Variants in HEPHL1 observed in about 807,000 individuals in gnomAD.
The protein encoded by HEPHL1 is ferroxidase HEPHL1.
Under a neutral mutation model 122.0 loss-of-function variants are expected in HEPHL1, and 123 were observed. That is an observed-to-expected ratio of 1.01 (90% CI 0.87 to 1.17). HEPHL1 has a LOEUF of 1.17. Among genes scored for constraint, HEPHL1 ranks in the 50% most tolerant of loss-of-function variants. The probability of loss-of-function intolerance (pLI) is 0.00; values close to 1 mark genes in which losing one functional copy is unlikely to be tolerated. For missense variants in HEPHL1, 1,452 were observed against 1,430.5 expected, an observed-to-expected ratio of 1.01 and a Z score of -0.24; for synonymous variants, 527 against 508.9, an observed-to-expected ratio of 1.04 and a Z score of -0.48.
At chr11:94,107,729 G>T (rs1391566137) in intron 17 of HEPHL1, among the ~76,000 whole-genome samples, 1 of 152,164 alleles carries the variant, frequency 6.6e-6, no homozygotes, top group Admixed American at 6.5e-5. Context: ...TTTGTTTCTT[G>T]TGACTGTTGA....
chr11:94,110,384 G>A (rs1325716702), intron 17 of HEPHL1, among the ~76,000 whole-genome samples: 2 of 152,146 alleles, frequency 1.3e-5, no homozygotes, highest in Non-Finnish European at 2.9e-5. Flanking sequence ...GTTTTCAAAG[G>A]TTTGACTGGA....
chr11:94,022,230 G>T (rs1387436373), intron 1 of HEPHL1, among the ~76,000 whole-genome samples: 1 of 152,158 alleles, frequency 6.6e-6, no homozygotes, highest in Non-Finnish European at 1.5e-5. Context: ...GCCCCCTCCA[G>T]GGCCTAGTAT....
intron 13 of HEPHL1, among the ~76,000 whole-genome samples, chr11:94,099,680 C>T (rs541357208): frequency 1.2e-4 from 18 of 152,280 alleles, no homozygotes; most frequent in Admixed American, 5.9e-4. Flanking sequence ...GCTTCCCAGC[C>T]GCTTTGTTTA....
intron 2 of HEPHL1, among the ~76,000 whole-genome samples, chr11:94,063,069 T>G (rs1464776028): frequency 7.2e-6 from 1 of 139,762 alleles, no homozygotes; most frequent in Non-Finnish European, 1.6e-5. Context: ...CCTTCCTATC[T>G]CTCATGAGAC....
At chr11:94,044,456 T>G (rs1945815584) in intron 1 of HEPHL1, among the ~76,000 whole-genome samples, 1 of 152,204 alleles carries the variant, frequency 6.6e-6, no homozygotes, top group Non-Finnish European at 1.5e-5. Flanking sequence ...TCACCCATTT[T>G]GTGAAAAACC....
chr11:94,038,375 CAA>C (rs1299939487), intron 1 of HEPHL1, among the ~76,000 whole-genome samples: 1 of 114,560 alleles, frequency 8.7e-6, no homozygotes, highest in Non-Finnish European at 1.8e-5. Flanking sequence ...GAGAACGCCA[CAA>C]AGATACTCCT....
chr11:94,092,222 A>C (rs546921379), intron 12 of HEPHL1, among the ~76,000 whole-genome samples: 176 of 152,350 alleles, frequency 1.2e-3, no homozygotes, highest in Non-Finnish European at 2.0e-3. Context: ...AAAAGATTTT[A>C]AAAATCTGTC....
intron 1 of HEPHL1, among the ~76,000 whole-genome samples, chr11:94,037,221 C>A (rs1485993452): frequency 6.6e-6 from 1 of 152,096 alleles, no homozygotes; most frequent in African/African-American, 2.4e-5. Flanking sequence ...GGGTCCTACG[C>A]CCACGGAGTC....
chr11:94,102,844 A>G (rs1591489312), intron 14 of HEPHL1, 70 bp from the exon 15 acceptor site: 1 of 782,152 alleles, frequency 1.3e-6, no homozygotes, highest in East Asian at 2.6e-5. Context: ...AGACCTGCTT[A>G]TATTTCTTCA....
At chr11:94,024,854 C>G (rs1945610828) in intron 1 of HEPHL1, among the ~76,000 whole-genome samples, 1 of 152,180 alleles carries the variant, frequency 6.6e-6, no homozygotes, top group Non-Finnish European at 1.5e-5. Flanking sequence ...CTGCACGGAA[C>G]TTTGTCATTG....
At chr11:94,025,282 C>T (rs1945615025) in intron 1 of HEPHL1, among the ~76,000 whole-genome samples, 1 of 152,168 alleles carries the variant, frequency 6.6e-6, no homozygotes, top group Non-Finnish European at 1.5e-5. Context: ...TACTTCTCCT[C>T]CTCCTTGGAG....
Position 94,070,462 on chromosome 11 carries a change from A to G in HEPHL1, c.1152A>G (p.Ile384Met). The stretch of plus-strand genomic sequence containing the variant: ...AGGGTCAACAGAGGCGCTACTTTAT[A>G]GCAGCTGAAAAAATTCTTTGGGATT... ...KMKGQQRRYF[I>M]AAEKILWDYA... The change falls in exon 6 of 20, where the codon ATA (isoleucine) becomes ATG (methionine). Residue 384 changes from isoleucine to methionine, a missense_variant. Physicochemically the swap from Ile to Met is conservative, Grantham distance 10 (BLOSUM62 1). Transcript: ENST00000315765. 1 of 1,610,058 alleles carries G rather than the reference A, an allele frequency of 6.2e-7. No individual in the cohort carries two copies. The highest frequency in any genetic ancestry group is 8.5e-7 in the Non-Finnish European group (1 of 1,178,018).
chr11:94,066,363 T>C (rs1045748667), intron 4 of HEPHL1, among the ~76,000 whole-genome samples: 44 of 152,180 alleles, frequency 2.9e-4, no homozygotes, highest in African/African-American at 9.7e-4. Flanking sequence ...AAGACCAGCC[T>C]GGCCAACATG....
chr11:94,100,021 GC>G (rs1338815876), intron 13 of HEPHL1, among the ~76,000 whole-genome samples: 9 of 151,872 alleles, frequency 5.9e-5, no homozygotes, highest in Non-Finnish European at 1.3e-4. Flanking sequence ...CCACTGTCCT[GC>G]CCCCACTGTC....
intron 7 of HEPHL1, 39 bp downstream of exon 7, chr11:94,073,203 G>T: frequency 1.2e-6 from 2 of 1,611,040 alleles, no homozygotes; most frequent in Non-Finnish European, 1.7e-6. Context: ...AACCCAGGGA[G>T]ATGTTTTAGC....
chr11:94,071,464 A>T (rs1405040375), intron 6 of HEPHL1, among the ~76,000 whole-genome samples: 1 of 152,158 alleles, frequency 6.6e-6, no homozygotes, highest in African/African-American at 2.4e-5. Context: ...TCTATTGACT[A>T]GTATTTCTCC....
intron 2 of HEPHL1, among the ~76,000 whole-genome samples, chr11:94,057,482 G>A (rs1292773730): frequency 6.6e-6 from 1 of 151,902 alleles, no homozygotes; most frequent in African/African-American, 2.4e-5. Flanking sequence ...TTTCAGATAG[G>A]ATAATTTCTA....
chr11:94,050,254 T>G (rs1211188701), intron 2 of HEPHL1, among the ~76,000 whole-genome samples: 1 of 152,214 alleles, frequency 6.6e-6, no homozygotes, highest in African/African-American at 2.4e-5. Flanking sequence ...TGGAATTTTC[T>G]ACATACGGAC....
chr11:94,062,816 T>G (rs1945997498), intron 2 of HEPHL1, among the ~76,000 whole-genome samples: 1 of 152,198 alleles, frequency 6.6e-6, no homozygotes, highest in African/African-American at 2.4e-5. Context: ...TGAAAAATCA[T>G]GTGCCATCTT....
Sources: gnomAD v4.1 joint callset for allele counts (sites outside exome capture counted in the v4.1 genomes callset) on GRCh38, gnomAD v4.1.1 for gene constraint, MANE v1.5 for transcripts, NCBI Gene and HGNC (gene_info 2026-07-23, HGNC 2026-07-21) for gene names.